The following DNASE2B variants were observed in gnomAD, a reference collection of about 807,000 sequenced individuals.
DNASE2B encodes deoxyribonuclease 2 beta, also known as deoxyribonuclease-2-beta.
A neutral mutation model predicts 46.0 loss-of-function variants in DNASE2B; 43 were observed. The observed-to-expected ratio is 0.94, with a 90% confidence interval of 0.73 to 1.21. The LOEUF is 1.21. Among genes scored for constraint, DNASE2B ranks in the 50% most tolerant of loss-of-function variants. The pLI is 0.00. For missense variants in DNASE2B, 395 were observed against 414.4 expected, an observed-to-expected ratio of 0.95 and a Z score of 0.41; for synonymous variants, 156 against 152.5, an observed-to-expected ratio of 1.02 and a Z score of -0.17.
intron 3 of DNASE2B, among the ~76,000 whole-genome samples, chr1:84,409,966 C>A (rs1033682958): frequency 6.6e-6 from 1 of 151,970 alleles, no homozygotes; most frequent in Non-Finnish European, 1.5e-5. Context: ...TATTTCCACC[C>A]AAAGAACAAC....
At chr1:84,411,256 A>C (rs1680586512) in intron 4 of DNASE2B, among the ~76,000 whole-genome samples, 1 of 152,144 alleles carries the variant, frequency 6.6e-6, no homozygotes, top group African/African-American at 2.4e-5. Context: ...TAGATAACAT[A>C]TATGAGTGAA....
chr1:84,414,706 G>T lies in DNASE2B; in HGVS notation c.924G>T (p.Trp308Cys). The change falls in exon 6 of 6, where the codon TGG becomes TGT. Residue 308 changes from tryptophan (W) to cysteine (C), a missense_variant. By Grantham distance (215) the Trp-to-Cys change is radical. Transcript: ENST00000370665. ...YFSSYQDHAK[W>C]CISQKGTKNR... ...GTTCTTATCAAGATCATGCCAAGTG[G>T]TGTATTTCCCAAAAGGGCACCAAAA... 1.2e-6 allele frequency: 2 copies of T among 1,614,148 alleles called. No homozygotes were observed. Among genetic ancestry groups the T allele is most frequent in the South Asian group, 2.2e-5 (2 of 91,070 alleles).
chr1:84,402,394 TA>T (rs1302071745), intron 2 of DNASE2B, among the ~76,000 whole-genome samples: 2 of 152,350 alleles, frequency 1.3e-5, no homozygotes, highest in Admixed American at 1.3e-4. Context: ...ATTCATCTAA[TA>T]GAAATAGGGA....
intron 2 of DNASE2B, among the ~76,000 whole-genome samples, chr1:84,407,238 C>G (rs1506699): frequency 0.4 from 60,524 of 151,916 alleles, 12,293 homozygotes; most frequent in Middle Eastern, 0.46. Flanking sequence ...CTCACTGGAT[C>G]ATCCCAGAAT....
At position 84,398,521 on chromosome 1, in the gene DNASE2B, C is replaced by T. The variant is rs762177828; in HGVS notation, c.-44C>T. On this transcript the variant is annotated 5_prime_UTR_variant, in exon 1 of 6. Transcript: ENST00000370665. ...GCCTGAGAGCGCCTTGAAACTCAGA[C>T]TCCACAATCTATGGGGAAAGTGTCC... The T allele has an allele frequency of 1.2e-6, 2 of 1,608,202 alleles. No individual in the cohort carries two copies. The highest frequency in any genetic ancestry group is 1.7e-6 in the Non-Finnish European group (2 of 1,176,392).
chr1:84,411,017 G>A lies in DNASE2B; in HGVS notation c.547+18G>A. 3 of 1,541,974 alleles carry A rather than the reference G, an allele frequency of 1.9e-6. No individual in the cohort carries two copies. The highest frequency in any genetic ancestry group is 2.0e-5 in the Admixed American group (1 of 48,896). ...GGCAATAGGTAAAACTAAAGTATGT[G>A]AGAAAAAAAACGATAACTATGTTGA... On this transcript the variant is annotated intron_variant, in intron 4 of 5. Coordinates refer to ENST00000370665, the MANE Select transcript of DNASE2B (RefSeq NM_021233.3).
intron 4 of DNASE2B, among the ~76,000 whole-genome samples, 188 bp downstream of exon 4, chr1:84,411,187 A>G (rs1680585557): frequency 6.6e-6 from 1 of 152,110 alleles, no homozygotes; most frequent in Non-Finnish European, 1.5e-5. Context: ...CTCTTAATCT[A>G]CCAGTGCAGT....
At chr1:84,404,817 C>T (rs1680473191) in intron 2 of DNASE2B, among the ~76,000 whole-genome samples, 1 of 152,184 alleles carries the variant, frequency 6.6e-6, no homozygotes, top group African/African-American at 2.4e-5. Context: ...TATCTTTTCC[C>T]TTCAAGGCTC....
chr1:84,404,571 A>G (rs754568207), intron 2 of DNASE2B, among the ~76,000 whole-genome samples: 19 of 152,186 alleles, frequency 1.2e-4, no homozygotes, highest in Admixed American at 2.6e-4. Flanking sequence ...CCTGATTTAG[A>G]GGCTGAATCA....
At chr1:84,411,220 A>G (rs554223551) in intron 4 of DNASE2B, among the ~76,000 whole-genome samples, 4 of 152,140 alleles carry the variant, frequency 2.6e-5, no homozygotes, top group Non-Finnish European at 5.9e-5. Flanking sequence ...TCAGGGCAGT[A>G]GTTTCAAATG....
At chr1:84,404,705 C>G (rs1210670961) in intron 2 of DNASE2B, among the ~76,000 whole-genome samples, 1 of 152,172 alleles carries the variant, frequency 6.6e-6, no homozygotes, top group South Asian at 2.1e-4. Flanking sequence ...TCCTTACTGG[C>G]AAGGTACCTT....
Position 84,408,525 on chromosome 1 carries a change from C to A in DNASE2B, c.385+7C>A. The A allele has an allele frequency of 6.2e-7, 1 of 1,604,056 alleles. No homozygotes were observed. Among genetic ancestry groups the A allele is most frequent in the Non-Finnish European group, 8.5e-7 (1 of 1,175,550 alleles). On this transcript the variant is annotated splice_region_variant and intron_variant, in intron 3 of 5. Coordinates refer to ENST00000370665, the MANE Select transcript of DNASE2B (RefSeq NM_021233.3). ...AAGTATGGACACACCAAAGGTATGACAAAGATTCTTGGTTTCTCTTTCCTA... is the reference window on the plus strand; with the variant it reads ...AAGTATGGACACACCAAAGGTATGAAAAAGATTCTTGGTTTCTCTTTCCTA...
At chr1:84,402,241 A>T (rs1344491040) in intron 2 of DNASE2B, among the ~76,000 whole-genome samples, 163 bp downstream of exon 2, 1 of 152,196 alleles carries the variant, frequency 6.6e-6, no homozygotes, top group African/African-American at 2.4e-5. Flanking sequence ...AGTCAATCTG[A>T]CTAAGACCTG....
intron 2 of DNASE2B, among the ~76,000 whole-genome samples, chr1:84,407,106 T>C (rs190668098): frequency 6.1e-4 from 93 of 152,306 alleles, no homozygotes; most frequent in African/African-American, 2.0e-3. Flanking sequence ...TACTCTTAAG[T>C]CCATGATCTT....
chr1:84,401,852 G>C, intron 1 of DNASE2B, 49 bp from the exon 2 acceptor site: 1 of 1,367,710 alleles, frequency 7.3e-7, no homozygotes, highest in Non-Finnish European at 9.7e-7. Context: ...TACTGCCACA[G>C]GAAAACAGTC....
intron 2 of DNASE2B, among the ~76,000 whole-genome samples, chr1:84,403,389 T>G (rs982974128): frequency 6.6e-6 from 1 of 152,176 alleles, no homozygotes; most frequent in African/African-American, 2.4e-5. Context: ...ATTCTTACAA[T>G]AAAGTAAGCT....
At chr1:84,405,971 A>T (rs679725) in intron 2 of DNASE2B, among the ~76,000 whole-genome samples, 80,645 of 151,962 alleles carry the variant, frequency 0.53, 21,432 homozygotes, top group East Asian at 0.61. Flanking sequence ...CAGCAAATGA[A>T]AAAATAGACT....
rs368296260 is a variant in DNASE2B at position 84,414,634 on chromosome 1, T to C, written c.852T>C (p.His284=). 9 of 1,614,054 alleles carry C rather than the reference T, an allele frequency of 5.6e-6. No individual in the cohort carries two copies. The East Asian group carries it at 1.6e-4, about 28-fold the overall frequency. Reference sequence around the variant, plus strand: ...CTTCAAACTGCTCCCTTCCTTACCATGTCTACAATATAAAAGCAATTAAAT... The same window carrying C: ...CTTCAAACTGCTCCCTTCCTTACCACGTCTACAATATAAAAGCAATTAAAT... ...ELPSNCSLPY[H]VYNIKAIKLS... is the part of the protein sequence containing the mutation. The change falls in exon 6 of 6, where the codon CAT becomes CAC. Residue 284 remains histidine, a synonymous_variant. Coordinates refer to ENST00000370665, the MANE Select transcript of DNASE2B (RefSeq NM_021233.3).
intron 5 of DNASE2B, among the ~76,000 whole-genome samples, chr1:84,413,685 A>G (rs1030577417): frequency 1.3e-5 from 2 of 152,088 alleles, no homozygotes; most frequent in Admixed American, 6.6e-5. Context: ...AAGCCCTCCA[A>G]TGATTCTCAA....
Sources: gnomAD v4.1 joint callset for allele counts (sites outside exome capture counted in the v4.1 genomes callset) on GRCh38, gnomAD v4.1.1 for gene constraint, MANE v1.5 for transcripts, NCBI Gene and HGNC (gene_info 2026-07-23, HGNC 2026-07-21) for gene names.